The following CAMKMT variants were observed in gnomAD, a reference collection of about 807,000 sequenced individuals.
The protein encoded by CAMKMT is CaM KMT.
In CAMKMT, 53 loss-of-function variants were observed where a neutral mutation model predicts 48.0. The ratio of observed to expected loss-of-function variants is 1.10; its 90% CI spans 0.89 to 1.39. CAMKMT has a LOEUF of 1.39. Among genes scored for constraint, CAMKMT ranks in the 40% most tolerant of loss-of-function variants. CAMKMT has a pLI of 0.00. For missense variants in CAMKMT, 428 were observed against 402.7 expected (o/e 1.06, Z -0.54); for synonymous variants, 165 against 152.3 (o/e 1.08, Z -0.61).
At chr2:44,476,108 A>C (rs1668675447) in intron 3 of CAMKMT, among the ~76,000 whole-genome samples, 1 of 152,162 alleles carries the variant, frequency 6.6e-6, no homozygotes, top group East Asian at 1.9e-4. Flanking sequence ...ACGACATCTA[A>C]AATGCCTTTT....
chr2:44,527,648 A>G (rs1666225625), intron 3 of CAMKMT, among the ~76,000 whole-genome samples: 2 of 151,714 alleles, frequency 1.3e-5, no homozygotes, highest in African/African-American at 4.8e-5. Flanking sequence ...GATTTTGTGC[A>G]ACATGTTCAT....
intron 3 of CAMKMT, among the ~76,000 whole-genome samples, chr2:44,409,133 A>T (rs1422770845): frequency 2.1e-4 from 1 of 4,652 alleles, no homozygotes. Flanking sequence ...ATATATATAT[A>T]TATATATATA....
chr2:44,620,473 T>C (rs1396445495), intron 3 of CAMKMT, among the ~76,000 whole-genome samples: 1 of 152,216 alleles, frequency 6.6e-6, no homozygotes, highest in Admixed American at 6.5e-5. Context: ...AATGCATAAC[T>C]GTTGATGGCA....
chr2:44,558,957 G>C lies in CAMKMT; in HGVS notation c.377-145326G>C, dbSNP rs201227802. 2.2e-4 allele frequency among the ~76,000 whole-genome samples: 7 copies of C among 32,378 alleles called. No homozygotes were observed. The East Asian group carries it at 2.9e-3, about 13-fold the overall frequency. The allele number at this position is 32,378 out of a possible 152,430, so 21.2% of individuals were successfully genotyped here. A position where few individuals can be genotyped will look rare whatever the true frequency, so the allele number is the denominator to read the frequency against. ...ATAAAAGTCTGGAAAATGTGTCTCT[G>C]TGTGTGTGTGTGTGTATGTATGTAT... On this transcript the variant is annotated intron_variant, in intron 3 of 10. Coordinates refer to ENST00000378494, the MANE Select transcript of CAMKMT (RefSeq NM_024766.5).
chr2:44,586,067 G>A (rs1445700348), intron 3 of CAMKMT, among the ~76,000 whole-genome samples: 1 of 152,172 alleles, frequency 6.6e-6, no homozygotes, highest in Non-Finnish European at 1.5e-5. Context: ...AGAGAAGAGA[G>A]ACCACTCTTC....
At chr2:44,737,754 TTCTCTCTC>T (rs140977311) in intron 7 of CAMKMT, among the ~76,000 whole-genome samples, 1 of 149,024 alleles carries the variant, frequency 6.7e-6, no homozygotes, top group Non-Finnish European at 1.5e-5. Context: ...CTCTCTCTCT[TTCTCTCTC>T]TCTCTCTCTC....
chr2:44,614,777 G>A (rs1457167344), intron 3 of CAMKMT, among the ~76,000 whole-genome samples: 3 of 151,900 alleles, frequency 2.0e-5, no homozygotes, highest in Non-Finnish European at 4.4e-5. Context: ...CAAGCAGAAA[G>A]CTGTGTCCCC....
chr2:44,617,576 G>T (rs911691886), intron 3 of CAMKMT, among the ~76,000 whole-genome samples: 4 of 152,180 alleles, frequency 2.6e-5, no homozygotes, highest in African/African-American at 4.8e-5. Context: ...TTGAATGTGG[G>T]AATGTAAGCA....
chr2:44,603,457 C>T (rs2103866226), intron 3 of CAMKMT, among the ~76,000 whole-genome samples: 1 of 152,266 alleles, frequency 6.6e-6, no homozygotes, highest in South Asian at 2.1e-4. Flanking sequence ...ATAACTGGAT[C>T]AGCTATATAT....
At chr2:44,540,161 T>TAA (rs146599932) in intron 3 of CAMKMT, among the ~76,000 whole-genome samples, 3 of 150,998 alleles carry the variant, frequency 2.0e-5, no homozygotes, top group Non-Finnish European at 3.0e-5. Context: ...TGTATATACA[T>TAA]ATATATATAT....
At chr2:44,499,079 A>T (rs1232208685) in intron 3 of CAMKMT, among the ~76,000 whole-genome samples, 2 of 152,204 alleles carry the variant, frequency 1.3e-5, no homozygotes, top group Non-Finnish European at 2.9e-5. Context: ...CAATTCTGAG[A>T]TGAGTGACCT....
intron 3 of CAMKMT, among the ~76,000 whole-genome samples, chr2:44,702,418 T>G (rs1355089449): frequency 2.6e-5 from 4 of 152,208 alleles, no homozygotes; most frequent in African/African-American, 9.7e-5. Flanking sequence ...CAATGCTTTC[T>G]TTTTCTTTGA....
At chr2:44,685,293 A>G (rs898051391) in intron 3 of CAMKMT, among the ~76,000 whole-genome samples, 2 of 152,242 alleles carry the variant, frequency 1.3e-5, no homozygotes, top group Non-Finnish European at 2.9e-5. Flanking sequence ...TGAGGATGAA[A>G]GTGAAAAGAA....
intron 5 of CAMKMT, among the ~76,000 whole-genome samples, chr2:44,707,035 AG>A (rs1677602579): frequency 6.6e-6 from 1 of 151,972 alleles, no homozygotes; most frequent in Non-Finnish European, 1.5e-5. Flanking sequence ...AGTTATATGA[AG>A]GGCATCAGGC....
At chr2:44,479,739 A>C (rs1668871961) in intron 3 of CAMKMT, among the ~76,000 whole-genome samples, 1 of 152,186 alleles carries the variant, frequency 6.6e-6, no homozygotes, top group Non-Finnish European at 1.5e-5. Context: ...CTCTTCTTTG[A>C]AATGTGATAC....
intron 3 of CAMKMT, among the ~76,000 whole-genome samples, chr2:44,656,658 G>A (rs888804713): frequency 6.6e-6 from 1 of 151,872 alleles, no homozygotes; most frequent in African/African-American, 2.4e-5. Context: ...AACCCATTGT[G>A]CCCTCTAATT....
At chr2:44,423,851 T>C (rs925622014) in intron 3 of CAMKMT, among the ~76,000 whole-genome samples, 6 of 152,248 alleles carry the variant, frequency 3.9e-5, no homozygotes, top group Non-Finnish European at 4.4e-5. Context: ...TTTTAACTTT[T>C]CTAAGTAGTC....
intron 3 of CAMKMT, among the ~76,000 whole-genome samples, chr2:44,656,180 C>G (rs1412782345): frequency 6.6e-6 from 1 of 152,120 alleles, no homozygotes; most frequent in Non-Finnish European, 1.5e-5. Context: ...AAGTTATCTA[C>G]AAGTAGTTTT....
chr2:44,751,554 G>T (rs1451685488), intron 8 of CAMKMT, among the ~76,000 whole-genome samples: 1 of 152,202 alleles, frequency 6.6e-6, no homozygotes, highest in African/African-American at 2.4e-5. Flanking sequence ...CTAGTACTCA[G>T]CTCAGTGAGT....
Sources: gnomAD v4.1 joint callset for allele counts (sites outside exome capture counted in the v4.1 genomes callset) on GRCh38, gnomAD v4.1.1 for gene constraint, MANE v1.5 for transcripts, NCBI Gene and HGNC (gene_info 2026-07-23, HGNC 2026-07-21) for gene names.